PCOLCE2: variants seen among roughly 807,000 people sequenced by gnomAD.
PCOLCE2 encodes the protein procollagen C-endopeptidase enhancer 2.
PCOLCE2 carries 42 observed loss-of-function variants against 47.0 expected under a neutral mutation model. The ratio of observed to expected loss-of-function variants is 0.89; its 90% CI spans 0.70 to 1.16. The LOEUF (loss-of-function observed/expected upper bound fraction) is 1.16. Ranked by LOEUF, PCOLCE2 falls within the 50% of genes most tolerant of loss-of-function variation. PCOLCE2 has a pLI of 0.00. For missense variants in PCOLCE2, 500 were observed against 526.1 expected (o/e 0.95, Z 0.49); for synonymous variants, 169 against 191.7 (o/e 0.88, Z 0.98).
At position 142,838,943 on chromosome 3, in the gene PCOLCE2, T is replaced by C. The variant is rs760651133; in HGVS notation, c.574-37A>G. The C allele has an allele frequency of 9.2e-6, 14 of 1,518,054 alleles. No homozygotes were observed. The African/African-American group carries it at 1.1e-4, about 12-fold the overall frequency. The allele number at this position is 1,518,054 out of a possible 1,614,324, so 94.0% of individuals were successfully genotyped here. A position where few individuals can be genotyped will look rare whatever the true frequency, so the allele number is the denominator to read the frequency against. On this transcript the variant is annotated intron_variant, in intron 4 of 8. Coordinates refer to ENST00000295992, the MANE Select transcript of PCOLCE2 (RefSeq NM_013363.4). ...GCACAATAGAAGTGTCAAATATTAA[T>C]AGCATTGTTGAATAACCTCAAATGG...
intron 5 of PCOLCE2, among the ~76,000 whole-genome samples, 167 bp downstream of exon 5, chr3:142,838,603 G>T (rs1279282823): frequency 6.6e-6 from 1 of 152,046 alleles, no homozygotes; most frequent in African/African-American, 2.4e-5. Context: ...AAATTACCCA[G>T]TCTCAGGTAT....
intron 5 of PCOLCE2, among the ~76,000 whole-genome samples, chr3:142,833,728 T>C (rs532022478): frequency 6.6e-6 from 1 of 152,346 alleles, no homozygotes; most frequent in Non-Finnish European, 1.5e-5. Context: ...TGCAGCTTTC[T>C]TCTTTTGGGA....
At chr3:142,835,358 C>T (rs1284977576) in intron 5 of PCOLCE2, among the ~76,000 whole-genome samples, 3 of 152,180 alleles carry the variant, frequency 2.0e-5, no homozygotes, top group African/African-American at 7.2e-5. Context: ...GTAATGCTTT[C>T]TGCCTAAAAT....
intron 6 of PCOLCE2, among the ~76,000 whole-genome samples, chr3:142,824,841 T>A (rs1427616198): frequency 6.6e-6 from 1 of 152,114 alleles, no homozygotes; most frequent in Non-Finnish European, 1.5e-5. Flanking sequence ...TTGGCCAGGC[T>A]GGTCTCAAAC....
intron 2 of PCOLCE2, among the ~76,000 whole-genome samples, chr3:142,875,009 T>C (rs1933468755): frequency 6.6e-6 from 1 of 152,152 alleles, no homozygotes; most frequent in Non-Finnish European, 1.5e-5. Flanking sequence ...TTGAGATTGA[T>C]AGGGAATAAT....
At chr3:142,862,135 G>A (rs1371307346) in intron 2 of PCOLCE2, among the ~76,000 whole-genome samples, 1 of 152,180 alleles carries the variant, frequency 6.6e-6, no homozygotes, top group African/African-American at 2.4e-5. Flanking sequence ...AGAAGGTGGG[G>A]AGGTAGAAGA....
intron 3 of PCOLCE2, among the ~76,000 whole-genome samples, chr3:142,844,020 TTC>T: frequency 6.6e-6 from 1 of 152,198 alleles, no homozygotes; most frequent in Non-Finnish European, 1.5e-5. Flanking sequence ...CATTCTATTA[TTC>T]TATCTATATT....
chr3:142,869,636 C>A (rs143778463), intron 2 of PCOLCE2, among the ~76,000 whole-genome samples: 2 of 152,156 alleles, frequency 1.3e-5, no homozygotes, highest in Admixed American at 6.5e-5. Context: ...TCTCCACAAC[C>A]CTTTATCTTA....
Position 142,869,932 on chromosome 3 carries a change from A to G in PCOLCE2, c.192+17737T>C, listed in dbSNP as rs185947587. ...GGGTCATAGTCCTATTTGGTTCAGAATAAATCTCTTCAAATATTTTACAGA... is the reference window on the plus strand; with the variant it reads ...GGGTCATAGTCCTATTTGGTTCAGAGTAAATCTCTTCAAATATTTTACAGA... On this transcript the variant is annotated intron_variant, in intron 2 of 8. Coordinates refer to ENST00000295992, the MANE Select transcript of PCOLCE2 (RefSeq NM_013363.4). Among the ~76,000 whole-genome samples, 585 of 152,352 alleles carry G rather than the reference A, an allele frequency of 3.8e-3. 5 individuals carry two copies. Among genetic ancestry groups the G allele is most frequent in the African/African-American group, 0.014 (567 of 41,572 alleles).
Position 142,888,972 on chromosome 3 carries a change from C to T in PCOLCE2, c.-76G>A, listed in dbSNP as rs1334970637. Reference sequence around the variant, plus strand: ...CACGCCCCTCCGCACCCACCGCGCTCACACCGCCGCTCACACTGGCAGCAG... The same window carrying T: ...CACGCCCCTCCGCACCCACCGCGCTTACACCGCCGCTCACACTGGCAGCAG... On this transcript the variant is annotated 5_prime_UTR_variant, in exon 1 of 9. Coordinates refer to ENST00000295992, the MANE Select transcript of PCOLCE2 (RefSeq NM_013363.4). The T allele has an allele frequency of 4.6e-6, 2 of 434,742 alleles. No homozygotes were observed. The highest frequency in any genetic ancestry group is 7.5e-6 in the Non-Finnish European group (2 of 268,154). The allele number at this position is 434,742 out of a possible 1,614,324, so 26.9% of individuals were successfully genotyped here.
intron 6 of PCOLCE2, chr3:142,827,724 T>C (rs1937100376): frequency 2.3e-6 from 2 of 853,306 alleles, no homozygotes; most frequent in South Asian, 1.5e-5. Context: ...GAGTTGTGGA[T>C]GATGGGTGAC....
intron 2 of PCOLCE2, among the ~76,000 whole-genome samples, chr3:142,850,217 G>T (rs1937375011): frequency 6.6e-6 from 1 of 152,174 alleles, no homozygotes; most frequent in Non-Finnish European, 1.5e-5. Flanking sequence ...TAATCAGAAA[G>T]TTATCAAAAT....
At chr3:142,829,325 C>T (rs964070365) in intron 6 of PCOLCE2, among the ~76,000 whole-genome samples, 1 of 148,908 alleles carries the variant, frequency 6.7e-6, no homozygotes, top group East Asian at 1.9e-4. Context: ...TATGAAAACA[C>T]AGATAGCAAG....
Position 142,818,062 on chromosome 3 carries a change from C to A in PCOLCE2, c.*273G>T. 1 of 303,344 alleles carries A rather than the reference C, an allele frequency of 3.3e-6. No homozygotes were observed. The allele number at this position is 303,344 out of a possible 1,614,324, so 18.8% of individuals were successfully genotyped here. A position where few individuals can be genotyped will look rare whatever the true frequency, so the allele number is the denominator to read the frequency against. On this transcript the variant is annotated 3_prime_UTR_variant, in exon 9 of 9. Coordinates refer to ENST00000295992, the MANE Select transcript of PCOLCE2 (RefSeq NM_013363.4). ...ACAGAGATGTATAAATAAACGCTTC[C>A]AAGCTGTCAACGCTTGACACTTTTA...
chr3:142,859,851 C>T (rs1335525357), intron 2 of PCOLCE2, among the ~76,000 whole-genome samples: 5 of 152,162 alleles, frequency 3.3e-5, no homozygotes, highest in Non-Finnish European at 7.4e-5. Context: ...CCCAGCTATA[C>T]TGATATTTTA....
intron 2 of PCOLCE2, among the ~76,000 whole-genome samples, chr3:142,858,496 A>G (rs530121339): frequency 6.6e-6 from 1 of 152,338 alleles, no homozygotes; most frequent in South Asian, 2.1e-4. Context: ...ATACACACAC[A>G]CATGCGCACA....
chr3:142,850,520 C>T (rs1383397271), intron 2 of PCOLCE2, among the ~76,000 whole-genome samples: 2 of 152,060 alleles, frequency 1.3e-5, no homozygotes, highest in Non-Finnish European at 2.9e-5. Context: ...AAGTAGGAGG[C>T]AACCAAAGTG....
At chr3:142,839,060 T>C (rs911062571) in intron 4 of PCOLCE2, among the ~76,000 whole-genome samples, 154 bp from the exon 5 acceptor site, 3 of 151,898 alleles carry the variant, frequency 2.0e-5, no homozygotes, top group Non-Finnish European at 4.4e-5. Flanking sequence ...ATTTCTTATT[T>C]AGTTAAAAAA....
intron 2 of PCOLCE2, among the ~76,000 whole-genome samples, chr3:142,879,247 C>T (rs1933557761): frequency 6.6e-6 from 1 of 151,398 alleles, no homozygotes; most frequent in South Asian, 2.1e-4. Flanking sequence ...AAGAGAATCC[C>T]TTTCAGAAAA....
Sources: allele counts gnomAD v4.1 joint callset (sites outside exome capture counted in the v4.1 genomes callset), GRCh38; gene constraint gnomAD v4.1.1; transcripts MANE v1.5; gene names NCBI Gene and HGNC (gene_info 2026-07-23, HGNC 2026-07-21).